The following VEGFA variants were observed in gnomAD, a reference collection of about 807,000 sequenced individuals.
VEGFA encodes vascular endothelial growth factor A, long form.
A neutral mutation model predicts 49.7 loss-of-function variants in VEGFA; 20 were observed. That is an observed-to-expected ratio of 0.40 (90% confidence interval 0.28 to 0.58). The LOEUF (loss-of-function observed/expected upper bound fraction) is 0.58. Among genes scored for constraint, VEGFA ranks in the 20% least tolerant of loss-of-function variants. The pLI is 0.40. For synonymous variants in VEGFA, 219 were observed against 223.4 expected, an observed-to-expected ratio of 0.98 and a Z score of 0.18; for missense variants, 505 against 553.5, an observed-to-expected ratio of 0.91 and a Z score of 0.88.
intron 7 of VEGFA, 89 bp downstream of exon 7, chr6:43,782,176 G>A (rs1768046051): frequency 2.6e-6 from 4 of 1,560,848 alleles, no homozygotes; most frequent in Non-Finnish European, 3.5e-6. Context: ...GAGCGAGCGA[G>A]CGGGAGAGCG....
rs993623699 is a variant in VEGFA at position 43,784,814 on chromosome 6, T to C, written c.*252T>C. 9.1e-5 allele frequency: 59 copies of C among 649,560 alleles called. No homozygotes were observed. The highest frequency in any genetic ancestry group is 3.4e-4 in the Middle Eastern group (1 of 2,980). The allele number at this position is 649,560 out of a possible 1,614,324, so 40.2% of individuals were successfully genotyped here. On this transcript the variant is annotated 3_prime_UTR_variant, in exon 8 of 8. Transcript: ENST00000672860. ...TGACCCAGCACGGTCCCTCTTGGAA[T>C]TGGATTCGCCATTTTATTTTTCTTG... is the stretch of plus-strand genomic sequence containing the variant.
At position 43,784,661 on chromosome 6, in the gene VEGFA, G is replaced by A. The variant is rs1413732811; in HGVS notation, c.*99G>A. On this transcript the variant is annotated 3_prime_UTR_variant, in exon 8 of 8. Coordinates refer to ENST00000672860, the MANE Select transcript of VEGFA (RefSeq NM_003376.6). ...CGATCGATACAGAAACCACGCTGCC[G>A]CCACCACACCATCACCATCGACAGA... 5.7e-6 allele frequency: 9 copies of A among 1,586,708 alleles called. No homozygotes were observed. Among genetic ancestry groups the A allele is most frequent in the Admixed American group, 3.3e-5 (2 of 59,954 alleles).
At chr6:43,779,593 C>T in intron 5 of VEGFA, 1 of 428,390 alleles carries the variant, frequency 2.3e-6, no homozygotes, top group Non-Finnish European at 4.7e-6. Context: ...AGAGAGAGCA[C>T]CTGTGCCCTG....
chr6:43,778,612 G>C (rs1244517739), intron 4 of VEGFA, 76 bp downstream of exon 4: 8 of 1,476,380 alleles, frequency 5.4e-6, no homozygotes, highest in African/African-American at 1.4e-5. Flanking sequence ...TAAGCATGCT[G>C]TACTTTTTGG....
At chr6:43,780,390 C>T (rs549313553) in intron 5 of VEGFA, 3 of 388,816 alleles carry the variant, frequency 7.7e-6, no homozygotes, top group Admixed American at 7.3e-5. Flanking sequence ...GGCTTTGCCC[C>T]CTGCCGGGGA....
intron 2 of VEGFA, chr6:43,774,648 G>A (rs963267546): frequency 1.2e-5 from 7 of 573,920 alleles, no homozygotes; most frequent in Non-Finnish European, 1.3e-5. Context: ...TTTGGAGAAG[G>A]AGTCGTGCGC....
At chr6:43,772,714 C>T (rs943070) in intron 1 of VEGFA, among the ~76,000 whole-genome samples, 11 of 151,974 alleles carry the variant, frequency 7.2e-5, no homozygotes, top group East Asian at 3.9e-4. Flanking sequence ...TCCTCTCTGA[C>T]GCCTTCCCTC....
At position 43,771,005 on chromosome 6, in the gene VEGFA, A is replaced by C; in HGVS notation, c.299A>C (p.Glu100Ala). The change falls in exon 1 of 8, where the codon GAG (glutamate) becomes GCG (alanine). Residue 100 changes from glutamate to alanine, a missense_variant. Physicochemically the swap from Glu to Ala is moderately radical, Grantham distance 107. Around this residue, in one of 2 missense-constraint regions of VEGFA, gnomAD observed 340 missense variants for 321.8 expected, o/e 1.06. Coordinates refer to ENST00000672860, the MANE Select transcript of VEGFA (RefSeq NM_003376.6). ...CCGGAGGAGGGGGAGGAGGAAGAAG[A>C]GAAGGAAGAGGAGAGGGGGCCGCAG... 1 of 1,540,494 alleles carries C rather than the reference A, an allele frequency of 6.5e-7. No individual in the cohort carries two copies. The highest frequency in any genetic ancestry group is 8.7e-7 in the Non-Finnish European group (1 of 1,143,800).
rs929023157 is a variant in VEGFA at position 43,785,085 on chromosome 6, G to C, written c.*523G>C. On this transcript the variant is annotated 3_prime_UTR_variant, in exon 8 of 8. Transcript: ENST00000672860. ...GTTGGGAGGGGAATGTTCCCACTCA[G>C]ATCCTGACAGGGAAGAGGAGGAGAT... 1.6e-5 allele frequency: 3 copies of C among 189,990 alleles called. No individual in the cohort carries two copies. Among genetic ancestry groups the C allele is most frequent in the African/African-American group, 2.3e-5 (1 of 42,736 alleles). The allele number at this position is 189,990 out of a possible 1,614,324, so 11.8% of individuals were successfully genotyped here. A position where few individuals can be genotyped will look rare whatever the true frequency, so the allele number is the denominator to read the frequency against.
rs1415678839 is a variant in VEGFA at position 43,771,039 on chromosome 6, C to T, written c.333C>T (p.Leu111=). The change falls in exon 1 of 8, where the codon CTC becomes CTT. Residue 111 remains leucine (L), a synonymous_variant. Transcript: ENST00000672860. ...AGGAGAGGGGGCCGCAGTGGCGACT[C>T]GGCGCTCGGAAGCCGGGCTCATGGA... is the stretch of plus-strand genomic sequence containing the variant. The T allele has an allele frequency of 1.3e-6, 2 of 1,522,848 alleles. No individual in the cohort carries two copies. The highest frequency in any genetic ancestry group is 1.2e-5 in the South Asian group (1 of 81,182). The allele number at this position is 1,522,848 out of a possible 1,614,324, so 94.3% of individuals were successfully genotyped here.
intron 5 of VEGFA, chr6:43,779,667 C>G (rs1471646591): frequency 6.4e-6 from 3 of 466,786 alleles, no homozygotes; most frequent in African/African-American, 6.0e-5. Context: ...CCCCACCAGG[C>G]CTCAACCCCT....
chr6:43,780,623 C>A, intron 5 of VEGFA, 109 bp from the exon 6 acceptor site: 1 of 1,507,816 alleles, frequency 6.6e-7, no homozygotes, highest in Non-Finnish European at 9.1e-7. Flanking sequence ...GGGAAGCGGC[C>A]CTGTGTGGCT....
rs35853036 is a variant in VEGFA, at chr6:43,781,865, C to T, written c.1035-91C>T. On this transcript the variant is annotated intron_variant, in intron 6 of 7. Transcript: ENST00000672860. ...GACCGGCTGGGTGGGGGTGCAGCTGCGGACATGTTAGGGGGTGTTGCATGG... is the reference window on the plus strand; with the variant it reads ...GACCGGCTGGGTGGGGGTGCAGCTGTGGACATGTTAGGGGGTGTTGCATGG... The T allele has an allele frequency of 1.0e-5, 16 of 1,543,270 alleles. 1 individual carries two copies. The highest frequency in any genetic ancestry group is 1.4e-5 in the African/African-American group (1 of 73,658).
Position 43,771,259 on chromosome 6 carries a change from C to G in VEGFA, c.553C>G (p.Leu185Val), listed in dbSNP as rs1370541486. ...GGCCTCCGAAACCATGAACTTTCTG[C>G]TGTCTTGGGTGCATTGGAGCCTTGC... is the stretch of plus-strand genomic sequence containing the variant. Residue 185 changes from leucine to valine, a missense_variant, in exon 1 of 8, where the codon CTG becomes GTG. By Grantham distance (32) the Leu-to-Val change is conservative. Coordinates refer to ENST00000672860, the MANE Select transcript of VEGFA (RefSeq NM_003376.6). 6.2e-7 allele frequency: 1 copy of G among 1,607,508 alleles called. No individual in the cohort carries two copies. Among genetic ancestry groups the G allele is most frequent in the East Asian group, 2.3e-5 (1 of 44,260 alleles).
Position 43,770,842 on chromosome 6 carries a change from G to C in VEGFA, c.136G>C (p.Gly46Arg). ...GCCCGGAGGCGGGGTGGAGGGGGTC[G>C]GGGCTCGCGGCGTCGCACTGAAACT... The change falls in exon 1 of 8, where the codon GGG becomes CGG. Residue 46 changes from glycine (G) to arginine (R), a missense_variant. This residue lies in a region of VEGFA where 340 missense variants were observed against 321.8 expected (regional missense o/e 1.06). Transcript: ENST00000672860. The C allele has an allele frequency of 7.8e-6, 12 of 1,529,770 alleles. No homozygotes were observed. Among genetic ancestry groups the C allele is most frequent in the Non-Finnish European group, 9.7e-6 (11 of 1,139,834 alleles). The allele number at this position is 1,529,770 out of a possible 1,614,324, so 94.8% of individuals were successfully genotyped here. A position where few individuals can be genotyped will look rare whatever the true frequency, so the allele number is the denominator to read the frequency against.
intron 6 of VEGFA, 80 bp downstream of exon 6, chr6:43,780,883 A>G: frequency 6.2e-7 from 1 of 1,609,538 alleles, no homozygotes; most frequent in Non-Finnish European, 8.5e-7. Flanking sequence ...ATTCCCTGTA[A>G]CCCTGCCTCC....
chr6:43,779,263 G>A lies in VEGFA; in HGVS notation c.962+345G>A, dbSNP rs1766511597. On this transcript the variant is annotated intron_variant, in intron 5 of 7. Coordinates refer to ENST00000672860, the MANE Select transcript of VEGFA (RefSeq NM_003376.6). Reference sequence around the variant, plus strand: ...CTAGGACACCCACAGTGGGGAGAGGGAGTGGGTGGCAGAGAGGCCAGCTTT... The same window carrying A: ...CTAGGACACCCACAGTGGGGAGAGGAAGTGGGTGGCAGAGAGGCCAGCTTT... The A allele has an allele frequency of 3.5e-5, 17 of 479,426 alleles. No individual in the cohort carries two copies. The South Asian group carries it at 3.8e-4, about 11-fold the overall frequency. 29.7% of individuals were successfully genotyped at this position (479,426 alleles called of 1,614,324 possible). A position where few individuals can be genotyped will look rare whatever the true frequency, so the allele number is the denominator to read the frequency against.
At chr6:43,783,645 A>AG (rs1198277527) in intron 7 of VEGFA, 1 of 152,664 alleles carries the variant, frequency 6.6e-6, no homozygotes, top group East Asian at 1.9e-4. Flanking sequence ...CCAACCCCCA[A>AG]GCTGGCTGTA....
chr6:43,770,845 G>A lies in VEGFA; in HGVS notation c.139G>A (p.Ala47Thr), dbSNP rs2127995853. 1 of 1,532,780 alleles carries A rather than the reference G, an allele frequency of 6.5e-7. No individual in the cohort carries two copies. Among genetic ancestry groups the A allele is most frequent in the Non-Finnish European group, 8.8e-7 (1 of 1,141,104 alleles). 94.9% of individuals were successfully genotyped at this position (1,532,780 alleles called of 1,614,324 possible). A position where few individuals can be genotyped will look rare whatever the true frequency, so the allele number is the denominator to read the frequency against. The stretch of plus-strand genomic sequence containing the variant: ...CGGAGGCGGGGTGGAGGGGGTCGGG[G>A]CTCGCGGCGTCGCACTGAAACTTTT... Residue 47 changes from alanine (A) to threonine (T), a missense_variant, in exon 1 of 8, where the codon GCT (alanine) becomes ACT (threonine). Ala to Thr is a moderately conservative substitution (Grantham distance 58). Around this residue, in one of 2 missense-constraint regions of VEGFA, gnomAD observed 340 missense variants for 321.8 expected, o/e 1.06. Coordinates refer to ENST00000672860, the MANE Select transcript of VEGFA (RefSeq NM_003376.6).
Sources: allele counts gnomAD v4.1 joint callset (sites outside exome capture counted in the v4.1 genomes callset), GRCh38; gene constraint gnomAD v4.1.1; regional missense constraint gnomAD v4.1.1; transcripts MANE v1.5; gene names NCBI Gene and HGNC (gene_info 2026-07-23, HGNC 2026-07-21).